Variants in CACNB4 observed in about 807,000 individuals in gnomAD.
The protein encoded by CACNB4 is voltage-dependent L-type calcium channel subunit beta-4.
A neutral mutation model predicts 71.2 loss-of-function variants in CACNB4; 32 were observed. That is an observed-to-expected ratio of 0.45 (90% CI 0.34 to 0.60). CACNB4 has a LOEUF of 0.60. Among genes scored for constraint, CACNB4 ranks in the 20% least tolerant of loss-of-function variants. CACNB4 has a pLI of 0.01. For missense variants in CACNB4, 464 were observed against 647.9 expected, an observed-to-expected ratio of 0.72 and a Z score of 3.08; for synonymous variants, 231 against 236.9, an observed-to-expected ratio of 0.97 and a Z score of 0.23.
Position 151,882,181 on chromosome 2 carries a change from C to T in CACNB4, c.267+1070G>A, listed in dbSNP as rs1230826691. ...GGCGTAAGCCACTGCACCGGCCCCT[C>T]TTTTTTTTTTTTTTTTTTTTTTTTT... On this transcript the variant is annotated intron_variant, in intron 3 of 13. Coordinates refer to ENST00000539935, the MANE Select transcript of CACNB4 (RefSeq NM_000726.5). Among the ~76,000 whole-genome samples the T allele has an allele frequency of 1.4e-3, 69 of 50,794 alleles. 1 individual carries two copies. The Admixed American group carries it at 0.014, about 10-fold the overall frequency. The allele number at this position is 50,794 out of a possible 152,430, so 33.3% of individuals were successfully genotyped here. A position where few individuals can be genotyped will look rare whatever the true frequency, so the allele number is the denominator to read the frequency against.
At chr2:151,997,490 C>T (rs1480700928) in intron 2 of CACNB4, among the ~76,000 whole-genome samples, 2 of 151,668 alleles carry the variant, frequency 1.3e-5, no homozygotes, top group Non-Finnish European at 2.9e-5. Flanking sequence ...GCTGAGATCG[C>T]GCCACTGCAC....
intron 2 of CACNB4, among the ~76,000 whole-genome samples, chr2:152,021,881 T>G (rs1411631506): frequency 1.3e-5 from 2 of 152,378 alleles, no homozygotes; most frequent in South Asian, 2.1e-4. Context: ...TGCTGAACAT[T>G]GGCTTTTTAC....
At chr2:151,996,145 T>A (rs777929051) in intron 2 of CACNB4, among the ~76,000 whole-genome samples, 1 of 152,216 alleles carries the variant, frequency 6.6e-6, no homozygotes, top group Non-Finnish European at 1.5e-5. Context: ...GATACTAGTA[T>A]GAAATTTTAA....
At chr2:151,889,465 CAAAAA>C (rs55990443) in intron 2 of CACNB4, among the ~76,000 whole-genome samples, 1 of 94,746 alleles carries the variant, frequency 1.1e-5, no homozygotes, top group Non-Finnish European at 2.2e-5. Flanking sequence ...GACTCTGTCT[CAAAAA>C]AAAAAAAAAA....
chr2:152,012,449 CA>C (rs372237941), intron 2 of CACNB4, among the ~76,000 whole-genome samples: 166 of 152,026 alleles, frequency 1.1e-3, no homozygotes, highest in African/African-American at 3.9e-3. Flanking sequence ...ACTAAAAATA[CA>C]AAAATTAGCC....
intron 2 of CACNB4, among the ~76,000 whole-genome samples, chr2:152,096,995 G>A (rs1371199156): frequency 6.6e-6 from 1 of 152,150 alleles, no homozygotes; most frequent in Non-Finnish European, 1.5e-5. Flanking sequence ...ACAGAAAAAT[G>A]TTTTTAAGAT....
At chr2:151,932,791 T>C (rs1042488459) in intron 2 of CACNB4, among the ~76,000 whole-genome samples, 23 of 144,702 alleles carry the variant, frequency 1.6e-4, no homozygotes, top group Admixed American at 2.8e-4. Flanking sequence ...GATTGCACCA[T>C]TGCACTCCAG....
chr2:151,883,130 C>G, intron 3 of CACNB4, 121 bp downstream of exon 3: 1 of 1,027,318 alleles, frequency 9.7e-7, no homozygotes, highest in Non-Finnish European at 1.5e-6. Flanking sequence ...GCTTCCCAAT[C>G]TGGAGCCTTG....
intron 2 of CACNB4, among the ~76,000 whole-genome samples, chr2:151,884,952 A>G (rs910660111): frequency 6.6e-6 from 1 of 152,152 alleles, no homozygotes; most frequent in African/African-American, 2.4e-5. Flanking sequence ...GAGTGGGGGA[A>G]AAAGCTTTAA....
chr2:151,961,079 C>T (rs1352361499), intron 2 of CACNB4, among the ~76,000 whole-genome samples: 1 of 152,196 alleles, frequency 6.6e-6, no homozygotes, highest in Non-Finnish European at 1.5e-5. Flanking sequence ...AGCATTCCCA[C>T]CCCTGCCCGG....
At chr2:152,082,926 A>T (rs998382136) in intron 2 of CACNB4, among the ~76,000 whole-genome samples, 10 of 152,180 alleles carry the variant, frequency 6.6e-5, no homozygotes, top group Non-Finnish European at 1.5e-5. Context: ...AAAGATGGTA[A>T]ATTTTCTGTT....
chr2:152,093,627 C>T (rs181028170), intron 2 of CACNB4, among the ~76,000 whole-genome samples: 2 of 152,218 alleles, frequency 1.3e-5, no homozygotes, highest in East Asian at 3.9e-4. Context: ...TGGAACCTAG[C>T]CACCATATTA....
intron 2 of CACNB4, among the ~76,000 whole-genome samples, chr2:151,957,375 G>A (rs1644209701): frequency 6.6e-6 from 1 of 150,748 alleles, no homozygotes; most frequent in South Asian, 2.1e-4. Flanking sequence ...CTTGATTCCT[G>A]GAGGAATTAA....
At chr2:152,010,656 G>A (rs1683002714) in intron 2 of CACNB4, among the ~76,000 whole-genome samples, 1 of 152,196 alleles carries the variant, frequency 6.6e-6, no homozygotes, top group African/African-American at 2.4e-5. Flanking sequence ...CAGATAAACG[G>A]TGCATGGGTC....
At chr2:151,874,808 GGATGATTTGGTTTCTCTTCT>G (rs1288253787) in intron 5 of CACNB4, 9 of 393,976 alleles carry the variant, frequency 2.3e-5, no homozygotes, top group Admixed American at 1.8e-4. Flanking sequence ...TGCAGACTCA[GGATGATTTGGTTTCTCTTCT>G]GTCAAGCTGT....
intron 2 of CACNB4, among the ~76,000 whole-genome samples, chr2:151,921,006 T>C (rs1036652585): frequency 1.9e-4 from 29 of 152,118 alleles, no homozygotes; most frequent in African/African-American, 6.3e-4. Flanking sequence ...CTGGGCATGG[T>C]GGTGGGCACC....
chr2:151,948,015 G>A (rs747996566), intron 2 of CACNB4, among the ~76,000 whole-genome samples: 2 of 152,202 alleles, frequency 1.3e-5, no homozygotes, highest in African/African-American at 2.4e-5. Context: ...TCACTTGGCG[G>A]CTTTCTTGGG....
At chr2:152,030,570 A>G (rs1003323498) in intron 2 of CACNB4, among the ~76,000 whole-genome samples, 3 of 152,188 alleles carry the variant, frequency 2.0e-5, no homozygotes, top group Non-Finnish European at 4.4e-5. Context: ...TTAACTTGTC[A>G]TTTACATTAG....
At chr2:151,982,341 T>C (rs767000341) in intron 2 of CACNB4, among the ~76,000 whole-genome samples, 3 of 152,070 alleles carry the variant, frequency 2.0e-5, no homozygotes, top group East Asian at 3.9e-4. Context: ...CTTAAAAAGA[T>C]ACTGACTGCC....
Sources: allele counts gnomAD v4.1 joint callset (sites outside exome capture counted in the v4.1 genomes callset), GRCh38; gene constraint gnomAD v4.1.1; transcripts MANE v1.5; gene names NCBI Gene and HGNC (gene_info 2026-07-23, HGNC 2026-07-21).